The following ACAA1 variants were observed in gnomAD, a reference collection of about 807,000 sequenced individuals.
ACAA1 encodes the protein acetyl-CoA acyltransferase 1, also known as 3-ketoacyl-CoA thiolase, peroxisomal.
Under a neutral mutation model 48.8 loss-of-function variants are expected in ACAA1, and 44 were observed. The observed-to-expected ratio is 0.90, with a 90% CI of 0.71 to 1.16. The LOEUF (loss-of-function observed/expected upper bound fraction) is 1.16. Among genes scored for constraint, ACAA1 ranks in the 50% most tolerant of loss-of-function variants. The pLI is 0.00. For missense variants in ACAA1, 512 were observed against 562.3 expected, an observed-to-expected ratio of 0.91 and a Z score of 0.90; for synonymous variants, 233 against 226.5, an observed-to-expected ratio of 1.03 and a Z score of -0.26.
At chr3:38,123,376 C>G in intron 11 of ACAA1, 1 of 489,836 alleles carries the variant, frequency 2.0e-6, no homozygotes, top group Non-Finnish European at 3.7e-6. Context: ...CAGGGTGTTT[C>G]TGTGTGCATG....
Position 38,125,712 on chromosome 3 carries a change from T to C in ACAA1, c.1054-2A>G, listed in dbSNP as rs1475214872. 1.9e-6 allele frequency: 3 copies of C among 1,609,190 alleles called. No homozygotes were observed. Among genetic ancestry groups the C allele is most frequent in the Non-Finnish European group, 2.5e-6 (3 of 1,176,974 alleles). The stretch of plus-strand genomic sequence containing the variant: ...TAGCTTCTCCACACAGTAGGCAGCC[T>C]GGAAGGAGGCAGATCATCACCTATA... On this transcript the variant is annotated splice_acceptor_variant, in intron 10 of 11. Transcript: ENST00000333167. LOFTEE classifies it high-confidence loss of function.
At chr3:38,134,102 T>C (rs1700841100) in intron 2 of ACAA1, 93 bp from the exon 3 acceptor site, 15 of 1,288,346 alleles carry the variant, frequency 1.2e-5, no homozygotes, top group Non-Finnish European at 1.5e-5. Context: ...ATTCCAGATC[T>C]TTCTTCGGGA....
rs1272613401 is a variant in ACAA1, at chr3:38,126,597, G to C, written c.730C>G (p.Gln244Glu). ...KGTKRSITVT[Q>E]DEGIRPSTTM... is the part of the protein sequence containing the mutation. ...GTGCTGGGGCGGATACCCTCATCCT[G>C]GGTCACAGTGATGCTCCTCTTGGTG... The change falls in exon 8 of 12, where the codon CAG (glutamine) becomes GAG (glutamate). Residue 244 changes from glutamine (Q) to glutamate (E), a missense_variant. Coordinates refer to ENST00000333167, the MANE Select transcript of ACAA1 (RefSeq NM_001607.4). This position sits in a 1 kb window ranked among gnomAD's most constrained non-coding sequence, Gnocchi z 4.7. The C allele has an allele frequency of 6.2e-7, 1 of 1,614,092 alleles. No individual in the cohort carries two copies. The highest frequency in any genetic ancestry group is 8.5e-7 in the Non-Finnish European group (1 of 1,180,034).
intron 3 of ACAA1, 188 bp downstream of exon 3, chr3:38,133,764 T>C (rs1191592809): frequency 1.6e-6 from 1 of 613,108 alleles, no homozygotes; most frequent in Non-Finnish European, 2.9e-6. Context: ...AAAGGTTTTG[T>C]GTATCGTGGC....
chr3:38,122,767 C>G lies in ACAA1; in HGVS notation c.*280G>C. ...TTGCACTTCTCATCCATGGATTTGC[C>G]TTGCCTTAAGAATTAACCATGGCCT... On this transcript the variant is annotated 3_prime_UTR_variant, in exon 12 of 12. Coordinates refer to ENST00000333167, the MANE Select transcript of ACAA1 (RefSeq NM_001607.4). The G allele has an allele frequency of 8.1e-7, 1 of 1,235,698 alleles. No homozygotes were observed. Among genetic ancestry groups the G allele is most frequent in the East Asian group, 2.7e-5 (1 of 36,892 alleles). 76.5% of individuals were successfully genotyped at this position (1,235,698 alleles called of 1,614,324 possible).
chr3:38,129,428 G>T lies in ACAA1; in HGVS notation c.447-40C>A. ...GAGGAGGAGAAGGTAAGGTGAACTG[G>T]GCCCTAGCAGGACTCCTCCAGAGAT... is the stretch of plus-strand genomic sequence containing the variant. On this transcript the variant is annotated intron_variant, in intron 5 of 11. Coordinates refer to ENST00000333167, the MANE Select transcript of ACAA1 (RefSeq NM_001607.4). This position sits in a 1 kb window ranked among gnomAD's most constrained non-coding sequence, Gnocchi z 5.3. 1 of 1,508,216 alleles carries T rather than the reference G, an allele frequency of 6.6e-7. No homozygotes were observed. The allele number at this position is 1,508,216 out of a possible 1,614,324, so 93.4% of individuals were successfully genotyped here.
In ACAA1 at chr3:38,133,951, C is replaced by A; in HGVS notation, c.323+1G>T. 1 of 1,614,204 alleles carries A rather than the reference C, an allele frequency of 6.2e-7. No homozygotes were observed. On this transcript the variant is annotated splice_donor_variant, in intron 3 of 11. Transcript: ENST00000333167. LOFTEE classifies it high-confidence loss of function. ...CCATGGCTAGAACTAGAAAAGTTTA[C>A]CTCAGAAACTGGGCGATTCGGGCCA...
chr3:38,136,546 G>C (rs199521345), intron 2 of ACAA1, 46 bp downstream of exon 2: 1 of 1,606,798 alleles, frequency 6.2e-7, no homozygotes, highest in East Asian at 2.2e-5. Flanking sequence ...CTGGACGAAC[G>C]GAAGAACGGG....
At position 38,122,747 on chromosome 3, in the gene ACAA1, C is replaced by T. The variant is rs1700557396; in HGVS notation, c.*300G>A. The T allele has an allele frequency of 5.5e-6, 7 of 1,280,106 alleles. No individual in the cohort carries two copies. In the Admixed American group the frequency reaches 1.8e-4, roughly 33 times the overall value. 79.3% of individuals were successfully genotyped at this position (1,280,106 alleles called of 1,614,324 possible). A position where few individuals can be genotyped will look rare whatever the true frequency, so the allele number is the denominator to read the frequency against. On this transcript the variant is annotated 3_prime_UTR_variant, in exon 12 of 12. Transcript: ENST00000333167. ...ATGCACTTTTACTATGCCCATTGCA[C>T]TTCTCATCCATGGATTTGCCTTGCC...
intron 2 of ACAA1, 79 bp downstream of exon 2, chr3:38,136,513 G>A (rs1700896009): frequency 2.0e-6 from 3 of 1,514,042 alleles, no homozygotes; most frequent in African/African-American, 1.4e-5. Context: ...GTGAAAATTC[G>A]GGGCGGGGAG....
chr3:38,126,354 TGTTGGG>T lies in ACAA1; in HGVS notation c.818-19_818-14del. Reference sequence around the variant, plus strand: ...TGGCTAGAGTTTCCTAGGGGCAAACTGTTGGGGTAAGAAGGCATCGGGGTGGGGATG... The same window carrying T: ...TGGCTAGAGTTTCCTAGGGGCAAACTGTAAGAAGGCATCGGGGTGGGGATG... On this transcript the variant is annotated splice_polypyrimidine_tract_variant and intron_variant, in intron 8 of 11. Transcript: ENST00000333167. The surrounding 1 kb of genome is among the most constrained non-coding windows in gnomAD (Gnocchi z 4.7). 6.2e-7 allele frequency: 1 copy of T among 1,612,688 alleles called. No individual in the cohort carries two copies. The highest frequency in any genetic ancestry group is 8.5e-7 in the Non-Finnish European group (1 of 1,179,208).
chr3:38,127,968 A>G (rs2125766265), intron 6 of ACAA1, 102 bp from the exon 7 acceptor site: 1 of 1,130,374 alleles, frequency 8.8e-7, no homozygotes, highest in Non-Finnish European at 1.3e-6. Flanking sequence ...CCAAGGCTGT[A>G]GGCAGGACAG....
In ACAA1 at chr3:38,137,073, G is replaced by C. The variant is rs1559481524; in HGVS notation, c.-38C>G. 6.7e-7 allele frequency: 1 copy of C among 1,492,242 alleles called. No homozygotes were observed. The highest frequency in any genetic ancestry group is 8.9e-7 in the Non-Finnish European group (1 of 1,119,432). 92.4% of individuals were successfully genotyped at this position (1,492,242 alleles called of 1,614,324 possible). A position where few individuals can be genotyped will look rare whatever the true frequency, so the allele number is the denominator to read the frequency against. On this transcript the variant is annotated 5_prime_UTR_variant, in exon 1 of 12. Transcript: ENST00000333167. ...CCCTGCAGACCAGCCACCAGTCCGG[G>C]AACTGACCGCGGAGTTAACAGACAG...
chr3:38,134,042 C>T (rs764647462), intron 2 of ACAA1, 33 bp from the exon 3 acceptor site: 68 of 1,601,328 alleles, frequency 4.2e-5, no homozygotes, highest in Middle Eastern at 1.7e-4. Flanking sequence ...CAGTGCCAGG[C>T]GGTGGTGTTC....
At chr3:38,135,448 G>A (rs1389888311) in intron 2 of ACAA1, among the ~76,000 whole-genome samples, 2 of 152,096 alleles carry the variant, frequency 1.3e-5, no homozygotes, top group Non-Finnish European at 2.9e-5. Flanking sequence ...CAAGAGGGAT[G>A]TGGCATTATA....
intron 5 of ACAA1, among the ~76,000 whole-genome samples, chr3:38,130,443 A>G (rs1422272794): frequency 6.6e-6 from 1 of 152,190 alleles, no homozygotes; most frequent in Non-Finnish European, 1.5e-5. Flanking sequence ...ATCCATGGTG[A>G]CCCAGCCTGG....
intron 11 of ACAA1, chr3:38,124,880 C>T: frequency 6.6e-6 from 1 of 152,158 alleles, no homozygotes; most frequent in East Asian, 1.9e-4. Context: ...CTCTCCAGGG[C>T]CCCAGGCAAT....
At position 38,122,934 on chromosome 3, in the gene ACAA1, T is replaced by TGCC; in HGVS notation, c.*110_*112dup. ...AGTTGAAGTGCCTTGATCTGTCCACTGCCACCACCACCAGTGCTGAGTTTT... is the reference window on the plus strand; with the variant it reads ...AGTTGAAGTGCCTTGATCTGTCCACTGCCGCCACCACCACCAGTGCTGAGTTTT... On this transcript the variant is annotated 3_prime_UTR_variant, in exon 12 of 12. Coordinates refer to ENST00000333167, the MANE Select transcript of ACAA1 (RefSeq NM_001607.4). 6 of 1,101,332 alleles carry TGCC rather than the reference T, an allele frequency of 5.4e-6. No homozygotes were observed. The South Asian group carries it at 7.9e-5, about 15-fold the overall frequency. 68.2% of individuals were successfully genotyped at this position (1,101,332 alleles called of 1,614,324 possible).
intron 6 of ACAA1, among the ~76,000 whole-genome samples, chr3:38,128,376 G>A: frequency 6.6e-6 from 1 of 152,150 alleles, no homozygotes; most frequent in Middle Eastern, 3.2e-3. Context: ...TGCTTATCCT[G>A]AGAACCTAGA....
Sources: gnomAD v4.1 joint callset for allele counts (sites outside exome capture counted in the v4.1 genomes callset) on GRCh38, gnomAD v4.1.1 for gene constraint, Gnocchi (gnomAD v3.1) non-coding constraint, MANE v1.5 for transcripts, NCBI Gene and HGNC (gene_info 2026-07-23, HGNC 2026-07-21) for gene names.